The following STPG2 variants were observed in gnomAD, a reference collection of about 807,000 sequenced individuals.
The protein encoded by STPG2 is sperm-tail PG-rich repeat-containing protein 2.
In STPG2, 56 loss-of-function variants were observed where a neutral mutation model predicts 54.2. The observed-to-expected ratio is 1.03, with a 90% confidence interval of 0.83 to 1.29. The LOEUF is 1.29. STPG2 is among the 50% of genes most tolerant of loss of function. The pLI, the probability that STPG2 is intolerant of heterozygous loss-of-function variation, is 0.00. For synonymous variants in STPG2, 200 were observed against 181.8 expected, an observed-to-expected ratio of 1.10 and a Z score of -0.81; for missense variants, 596 against 544.9, an observed-to-expected ratio of 1.09 and a Z score of -0.93.
chr4:97,503,496 G>A (rs926433726), intron 4 of STPG2, among the ~76,000 whole-genome samples: 1 of 151,148 alleles, frequency 6.6e-6, no homozygotes, highest in African/African-American at 2.4e-5. Flanking sequence ...CCTTATATGT[G>A]TTTAGTATTT....
intron 9 of STPG2, among the ~76,000 whole-genome samples, chr4:97,836,410 G>A (rs188973155): frequency 1.1e-4 from 17 of 151,784 alleles, no homozygotes; most frequent in Non-Finnish European, 1.9e-4. Context: ...AGCCATTTAC[G>A]TTGTTTTATT....
intron 10 of STPG2, among the ~76,000 whole-genome samples, chr4:97,637,708 CAGAG>C (rs1444447913): frequency 2.0e-5 from 3 of 152,144 alleles, no homozygotes; most frequent in Non-Finnish European, 2.9e-5. Flanking sequence ...AACAAACAAA[CAGAG>C]AGCCAAATCA....
chr4:97,500,757 G>A (rs961590189), intron 4 of STPG2, among the ~76,000 whole-genome samples: 3 of 151,986 alleles, frequency 2.0e-5, no homozygotes, highest in Admixed American at 6.6e-5. Flanking sequence ...GATGAGGACC[G>A]AGAATTGACC....
intron 8 of STPG2, among the ~76,000 whole-genome samples, chr4:97,939,227 C>T (rs1459554121): frequency 6.6e-6 from 1 of 151,960 alleles, no homozygotes; most frequent in Non-Finnish European, 1.5e-5. Context: ...GTTTTATGTC[C>T]AATGATGTGG....
intron 9 of STPG2, among the ~76,000 whole-genome samples, chr4:97,792,796 T>C (rs1417585337): frequency 6.6e-6 from 1 of 152,176 alleles, no homozygotes; most frequent in Non-Finnish European, 1.5e-5. Flanking sequence ...ACCTGTTCTC[T>C]TTGCAGTGCT....
At chr4:97,758,861 A>G (rs1202741604) in intron 9 of STPG2, among the ~76,000 whole-genome samples, 2 of 152,174 alleles carry the variant, frequency 1.3e-5, no homozygotes, top group Non-Finnish European at 2.9e-5. Flanking sequence ...TAAAGAACCC[A>G]ATAATTAAAG....
At position 98,091,592 on chromosome 4, in the gene STPG2, A is replaced by C. The variant is rs78315536; in HGVS notation, c.612+14361T>G. On this transcript the variant is annotated intron_variant, in intron 5 of 10. Coordinates refer to ENST00000295268, the MANE Select transcript of STPG2 (RefSeq NM_174952.3). ...TGGATCTCATTGTATAATTGTTTAG[A>C]TATTTGTATCTTCCATTGAGGAATG... Among the ~76,000 whole-genome samples, 167 of 152,114 alleles carry C rather than the reference A, an allele frequency of 1.1e-3. 3 individuals carry two copies. The highest frequency in any genetic ancestry group is 0.01 in the East Asian group (52 of 5,186).
Position 97,834,665 on chromosome 4 carries a change from C to T in STPG2, c.1204+6108G>A, listed in dbSNP as rs538540772. Among the ~76,000 whole-genome samples the T allele has an allele frequency of 1.0e-3, 152 of 152,164 alleles. 1 individual carries two copies. Among genetic ancestry groups the T allele is most frequent in the Admixed American group, 1.5e-3 (23 of 15,270 alleles). On this transcript the variant is annotated intron_variant, in intron 9 of 10. Coordinates refer to ENST00000295268, the MANE Select transcript of STPG2 (RefSeq NM_174952.3). ...AATATGGTACACATGTTATTAGATG[C>T]TAGTCTCATCAGTTGTTTTCGAGTT...
chr4:97,983,593 T>C (rs1260219283), intron 5 of STPG2, among the ~76,000 whole-genome samples: 1 of 152,192 alleles, frequency 6.6e-6, no homozygotes. Context: ...CTCTCATCAT[T>C]ATCTCGTTTA....
chr4:97,484,027 C>T (rs1037972554), intron 4 of STPG2, among the ~76,000 whole-genome samples: 6 of 151,476 alleles, frequency 4.0e-5, no homozygotes, highest in Admixed American at 1.3e-4. Flanking sequence ...TCAAACTGAA[C>T]GACAATAATG....
intron 10 of STPG2, among the ~76,000 whole-genome samples, chr4:97,571,255 T>C (rs931159738): frequency 6.6e-6 from 1 of 152,114 alleles, no homozygotes; most frequent in Non-Finnish European, 1.5e-5. Flanking sequence ...AGCCTTCGAC[T>C]GAAACTGGTA....
At chr4:97,447,042 A>G (rs1002288260) in intron 4 of STPG2, among the ~76,000 whole-genome samples, 2 of 152,234 alleles carry the variant, frequency 1.3e-5, no homozygotes, top group African/African-American at 4.8e-5. Context: ...GACTTGTTAA[A>G]TGGTTTTGAC....
At chr4:97,784,051 AG>A (rs1726744309) in intron 9 of STPG2, among the ~76,000 whole-genome samples, 2 of 151,500 alleles carry the variant, frequency 1.3e-5, no homozygotes, top group African/African-American at 4.9e-5. Context: ...CATGTACCCT[AG>A]AACTTAAAGT....
intron 4 of STPG2, among the ~76,000 whole-genome samples, chr4:97,539,712 A>T (rs1731643106): frequency 6.6e-6 from 1 of 152,192 alleles, no homozygotes; most frequent in Non-Finnish European, 1.5e-5. Flanking sequence ...CCTAACAGAC[A>T]TCTACAGAAC....
chr4:97,727,148 A>G (rs1319504282), intron 9 of STPG2, among the ~76,000 whole-genome samples: 1 of 151,936 alleles, frequency 6.6e-6, no homozygotes, highest in Non-Finnish European at 1.5e-5. Context: ...TTTGGCTTCT[A>G]CAGTAAAATG....
intron 10 of STPG2, among the ~76,000 whole-genome samples, chr4:97,712,236 G>T (rs1025276876): frequency 6.6e-6 from 1 of 152,008 alleles, no homozygotes; most frequent in African/African-American, 2.4e-5. Context: ...AAGGTCCATA[G>T]GTTAAAAGAC....
intron 8 of STPG2, among the ~76,000 whole-genome samples, chr4:97,923,045 A>G (rs896173582): frequency 5.9e-5 from 9 of 152,144 alleles, no homozygotes; most frequent in African/African-American, 1.7e-4. Flanking sequence ...CTGGTTTCCC[A>G]TGTACTTGTG....
chr4:97,484,256 C>G (rs933782737), intron 4 of STPG2, among the ~76,000 whole-genome samples: 1 of 151,284 alleles, frequency 6.6e-6, no homozygotes, highest in Admixed American at 6.6e-5. Flanking sequence ...CAAAAAAATA[C>G]AAAATATAAA....
chr4:97,634,005 C>G (rs1022765251), intron 10 of STPG2, among the ~76,000 whole-genome samples: 3 of 152,204 alleles, frequency 2.0e-5, no homozygotes, highest in Admixed American at 2.0e-4. Flanking sequence ...TCAAGGAGGC[C>G]TGCGTGCCTC....
Sources: gnomAD v4.1 joint callset for allele counts (sites outside exome capture counted in the v4.1 genomes callset) on GRCh38, gnomAD v4.1.1 for gene constraint, MANE v1.5 for transcripts, NCBI Gene and HGNC (gene_info 2026-07-23, HGNC 2026-07-21) for gene names.